TPRN: variants seen among roughly 807,000 people sequenced by gnomAD.
TPRN encodes taperin.
A neutral mutation model predicts 42.6 loss-of-function variants in TPRN; 32 were observed. The observed-to-expected ratio is 0.75, with a 90% CI of 0.57 to 1.01. The LOEUF is 1.01. TPRN is among the 50% of genes least tolerant of loss of function. The pLI, the probability that TPRN is intolerant of heterozygous loss-of-function variation, is 0.00. For synonymous variants in TPRN, 541 were observed against 445.6 expected, an observed-to-expected ratio of 1.21 and a Z score of -2.70; for missense variants, 1,095 against 957.5, an observed-to-expected ratio of 1.14 and a Z score of -1.90.
chr9:137,192,547 C>A lies in TPRN; in HGVS notation c.1870G>T (p.Gly624Cys), dbSNP rs146056830. The change falls in exon 2 of 4, where the codon GGC (glycine) becomes TGC (cysteine). Residue 624 changes from glycine (G) to cysteine (C), a missense_variant. Gly to Cys is a radical substitution (Grantham distance 159, BLOSUM62 -3). Coordinates refer to ENST00000409012, the MANE Select transcript of TPRN (RefSeq NM_001128228.3). ...AGTGCAAAGGGCTTCTCCTCTGAGC[C>A]GGATCCCTCTTCCTCCTCTTCCTCT... ...EEEEEEEEGS[G>C]SEEKPFALFL... 1.2e-6 allele frequency: 2 copies of A among 1,609,616 alleles called. No individual in the cohort carries two copies. Among genetic ancestry groups the A allele is most frequent in the Non-Finnish European group, 1.7e-6 (2 of 1,178,104 alleles).
intron 1 of TPRN, chr9:137,193,566 C>T (rs1280260503): frequency 6.6e-6 from 1 of 152,330 alleles, no homozygotes; most frequent in Non-Finnish European, 1.5e-5. Context: ...CTCTCCACCT[C>T]CCCTGAACGG....
Position 137,191,820 on chromosome 9 carries a change from A to G in TPRN, c.*292T>C, listed in dbSNP as rs1182632971. On this transcript the variant is annotated 3_prime_UTR_variant, in exon 4 of 4. Coordinates refer to ENST00000409012, the MANE Select transcript of TPRN (RefSeq NM_001128228.3). ...GGGAATGGCCAGGTGCAGAATCTGC[A>G]CAGCCCCCTGCCGGGTCGCAGATGG... 1 of 504,360 alleles carries G rather than the reference A, an allele frequency of 2.0e-6. No homozygotes were observed. The highest frequency in any genetic ancestry group is 3.7e-5 in the East Asian group (1 of 27,008). The allele number at this position is 504,360 out of a possible 1,614,324, so 31.2% of individuals were successfully genotyped here. A position where few individuals can be genotyped will look rare whatever the true frequency, so the allele number is the denominator to read the frequency against.
rs200674589 is a variant in TPRN, at chr9:137,199,289, G to A, written c.1423C>T (p.Leu475Phe). Residue 475 changes from leucine (L) to phenylalanine (F), a missense_variant, in exon 1 of 4, where the codon CTC (leucine) becomes TTC (phenylalanine). Transcript: ENST00000409012. The stretch of plus-strand genomic sequence containing the variant: ...TGCAGAGGCCTGGCAGGGTGCGGGA[G>A]GTAGGGTAGTTTGGCTGCTTGGGGG... ...EAPQAAKLPY[L>F]PHPARPLHPA... 3.7e-6 allele frequency: 6 copies of A among 1,612,552 alleles called. No individual in the cohort carries two copies. Among genetic ancestry groups the A allele is most frequent in the Non-Finnish European group, 5.1e-6 (6 of 1,180,004 alleles).
At chr9:137,192,389 G>A (rs1339946531) in intron 2 of TPRN, 24 bp from the exon 3 acceptor site, 1 of 1,612,760 alleles carries the variant, frequency 6.2e-7, no homozygotes, top group South Asian at 1.1e-5. Flanking sequence ...TGCACATGCA[G>A]ACGTGGACAC....
At chr9:137,193,184 G>C (rs1834652803) in intron 1 of TPRN, 1 of 175,662 alleles carries the variant, frequency 5.7e-6, no homozygotes, top group East Asian at 1.5e-4. Context: ...CTAAAGCCAA[G>C]TTCATGTCCT....
Position 137,200,058 on chromosome 9 carries a change from G to A in TPRN, c.654C>T (p.Ala218=), listed in dbSNP as rs768917098. 42 of 1,433,400 alleles carry A rather than the reference G, an allele frequency of 2.9e-5. 1 individual carries two copies. The South Asian group carries it at 5.9e-4, about 20-fold the overall frequency. 88.8% of individuals were successfully genotyped at this position (1,433,400 alleles called of 1,614,324 possible). ...CCGAGTGCCCGTTGGAGAGCAGGCGGGCGCCCGCGCCGCGGTGCAGACCCC... is the reference window on the plus strand; with the variant it reads ...CCGAGTGCCCGTTGGAGAGCAGGCGAGCGCCCGCGCCGCGGTGCAGACCCC... The part of the protein sequence containing the change: ...HPRGLHRGAG[A]RLLSNGHSAP... The change falls in exon 1 of 4, where the codon GCC becomes GCT. Residue 218 remains alanine, a synonymous_variant. Transcript: ENST00000409012. The surrounding 1 kb of genome is among the most constrained non-coding windows in gnomAD (Gnocchi z 4.3).
At position 137,200,712 on chromosome 9, in the gene TPRN, G is replaced by A. The variant is rs1432950688; in HGVS notation, c.-1C>T. The A allele has an allele frequency of 3.4e-6, 4 of 1,162,138 alleles. No homozygotes were observed. Among genetic ancestry groups the A allele is most frequent in the East Asian group, 5.0e-5 (1 of 19,986 alleles). The allele number at this position is 1,162,138 out of a possible 1,614,324, so 72.0% of individuals were successfully genotyped here. ...AGCCCGGCCGCCCCAGGGCGGCCAT[G>A]CTGCGAACGCGGCAGCGGACGGCTG... On this transcript the variant is annotated 5_prime_UTR_variant, in exon 1 of 4. Coordinates refer to ENST00000409012, the MANE Select transcript of TPRN (RefSeq NM_001128228.3). The surrounding 1 kb of genome is among the most constrained non-coding windows in gnomAD (Gnocchi z 4.3).
At chr9:137,196,968 T>C (rs1834713597) in intron 1 of TPRN, among the ~76,000 whole-genome samples, 1 of 152,198 alleles carries the variant, frequency 6.6e-6, no homozygotes. Flanking sequence ...TCCCTCCTGC[T>C]GGTCCAGGGC....
At chr9:137,193,207 GCCTGGACAAT>G (rs1211495647) in intron 1 of TPRN, 6 of 173,724 alleles carry the variant, frequency 3.5e-5, no homozygotes, top group South Asian at 1.3e-4. Flanking sequence ...CTTACTGGAT[GCCTGGACAAT>G]CCAGCAGAGC....
At chr9:137,192,394 G>A in intron 2 of TPRN, 29 bp from the exon 3 acceptor site, 2 of 1,612,606 alleles carry the variant, frequency 1.2e-6, no homozygotes, top group Non-Finnish European at 1.7e-6. Flanking sequence ...ATGCAGACGT[G>A]GACACAGACC....
In TPRN at chr9:137,192,307, C is replaced by T. The variant is rs781665546; in HGVS notation, c.2025G>A (p.Ala675=). The change falls in exon 3 of 4, where the codon GCG becomes GCA. Residue 675 remains alanine, a synonymous_variant. Transcript: ENST00000409012. ...CTGCCTCCCTCGGGGCCTGCTCCAG[C>T]GCCTGCTCCTGCCACTTGCTGAAGG... ...SVAFSKWQEQ[A]LEQAPREAEP... 13 of 1,612,976 alleles carry T rather than the reference C, an allele frequency of 8.1e-6. No individual in the cohort carries two copies. The highest frequency in any genetic ancestry group is 1.3e-5 in the African/African-American group (1 of 75,050).
At chr9:137,196,274 G>A (rs1834702866) in intron 1 of TPRN, among the ~76,000 whole-genome samples, 1 of 152,180 alleles carries the variant, frequency 6.6e-6, no homozygotes, top group Admixed American at 6.5e-5. Flanking sequence ...CACGCCCGGG[G>A]GTCACAGCCA....
chr9:137,200,009 C>T lies in TPRN; in HGVS notation c.703G>A (p.Ala235Thr). Residue 235 changes from alanine (A) to threonine (T), a missense_variant, in exon 1 of 4, where the codon GCC becomes ACC. Coordinates refer to ENST00000409012, the MANE Select transcript of TPRN (RefSeq NM_001128228.3). This position sits in a 1 kb window ranked among gnomAD's most constrained non-coding sequence, Gnocchi z 4.3. ...GGCGGGGAGCCCGCGAGGCGGTTGG[C>T]AGGGCCGGCCCGGGGCTCAGGGGCC... is the stretch of plus-strand genomic sequence containing the variant. ...HSAPEPRAGP[A>T]NRLAGSPPGS... 2 of 1,444,294 alleles carry T rather than the reference C, an allele frequency of 1.4e-6. No individual in the cohort carries two copies. Among genetic ancestry groups the T allele is most frequent in the Non-Finnish European group, 1.8e-6 (2 of 1,104,718 alleles). The allele number at this position is 1,444,294 out of a possible 1,614,324, so 89.5% of individuals were successfully genotyped here.
Position 137,192,482 on chromosome 9 carries a change from G to A in TPRN, c.1935C>T (p.Pro645=), listed in dbSNP as rs756702985. Residue 645 remains proline, a synonymous_variant, in exon 2 of 4, where the codon CCC becomes CCT. Coordinates refer to ENST00000409012, the MANE Select transcript of TPRN (RefSeq NM_001128228.3). ...PRATFVSSVR[P]ESSRLPEGSS... ...TACCCTCTGGCAGCCGAGAGCTCTC[G>A]GGTCTCACGCTGCTCACAAACGTGG... is the stretch of plus-strand genomic sequence containing the variant. 1.0e-5 allele frequency: 16 copies of A among 1,605,726 alleles called. No individual in the cohort carries two copies. The highest frequency in any genetic ancestry group is 3.4e-5 in the Admixed American group (2 of 58,924).
At position 137,200,500 on chromosome 9, in the gene TPRN, C is replaced by T; in HGVS notation, c.212G>A (p.Gly71Asp). ...FMLLEAERRR[G>D]GGAAGARLLE... ...CAGCCGCGCCCCCGCCGCGCCCCCGCCGCGCCGCCGCTCGGCCTCCAGCAG... is the reference window on the plus strand; with the variant it reads ...CAGCCGCGCCCCCGCCGCGCCCCCGTCGCGCCGCCGCTCGGCCTCCAGCAG... Residue 71 changes from glycine to aspartate, a missense_variant, in exon 1 of 4, where the codon GGC becomes GAC. Coordinates refer to ENST00000409012, the MANE Select transcript of TPRN (RefSeq NM_001128228.3). This position sits in a 1 kb window ranked among gnomAD's most constrained non-coding sequence, Gnocchi z 4.3. 1.7e-6 allele frequency: 2 copies of T among 1,149,268 alleles called. No individual in the cohort carries two copies. The highest frequency in any genetic ancestry group is 2.1e-6 in the Non-Finnish European group (2 of 933,024). 71.2% of individuals were successfully genotyped at this position (1,149,268 alleles called of 1,614,324 possible).
At position 137,199,954 on chromosome 9, in the gene TPRN, T is replaced by C; in HGVS notation, c.758A>G (p.Glu253Gly). 1 of 1,483,638 alleles carries C rather than the reference T, an allele frequency of 6.7e-7. No individual in the cohort carries two copies. Among genetic ancestry groups the C allele is most frequent in the Non-Finnish European group, 8.9e-7 (1 of 1,117,372 alleles). The allele number at this position is 1,483,638 out of a possible 1,614,324, so 91.9% of individuals were successfully genotyped here. A position where few individuals can be genotyped will look rare whatever the true frequency, so the allele number is the denominator to read the frequency against. ...CGGGTGGAGGGAGGGATCCCCCGAC[T>C]CCACCTTTGGCTTCCACTGTCCCGA... ...PGSGQWKPKVESGDPSLHPPP... is the reference protein window; with the variant it reads ...PGSGQWKPKVGSGDPSLHPPP... Residue 253 changes from glutamate (E) to glycine (G), a missense_variant, in exon 1 of 4, where the codon GAG becomes GGG. Coordinates refer to ENST00000409012, the MANE Select transcript of TPRN (RefSeq NM_001128228.3).
rs757643452 is a variant in TPRN, at chr9:137,199,332, C to T, written c.1380G>A (p.Glu460=). ...CTTGGGGGGCCTCCTCCGAGTCTACCTCATCGATGAAGGTGACAGGCAGCC... is the reference window on the plus strand; with the variant it reads ...CTTGGGGGGCCTCCTCCGAGTCTACTTCATCGATGAAGGTGACAGGCAGCC... The part of the protein sequence containing the change: ...RPGLPVTFID[E]VDSEEAPQAA... The change falls in exon 1 of 4, where the codon GAG becomes GAA. Residue 460 remains glutamate (E), a synonymous_variant. Transcript: ENST00000409012. 9 of 1,612,726 alleles carry T rather than the reference C, an allele frequency of 5.6e-6. No homozygotes were observed. The South Asian group carries it at 7.7e-5, about 14-fold the overall frequency.
rs1325704060 is a variant in TPRN, at chr9:137,200,194, G to A, written c.518C>T (p.Ala173Val). ...PPAPPRPPPAAPSPPAAPGPR... is the reference protein window; with the variant it reads ...PPAPPRPPPAVPSPPAAPGPR... Reference sequence around the variant, plus strand: ...CCCGGGCGCGGCGGGCGGGCTGGGGGCCGCGGGCGGGGGCCGGGGCGGCGC... The same window carrying A: ...CCCGGGCGCGGCGGGCGGGCTGGGGACCGCGGGCGGGGGCCGGGGCGGCGC... Residue 173 changes from alanine (A) to valine (V), a missense_variant, in exon 1 of 4, where the codon GCC becomes GTC. Ala to Val is a moderately conservative substitution (Grantham distance 64, BLOSUM62 0). Transcript: ENST00000409012. This position sits in a 1 kb window ranked among gnomAD's most constrained non-coding sequence, Gnocchi z 4.3. 3.1e-6 allele frequency: 3 copies of A among 964,582 alleles called. No homozygotes were observed. The highest frequency in any genetic ancestry group is 4.8e-5 in the South Asian group (1 of 21,026). 59.8% of individuals were successfully genotyped at this position (964,582 alleles called of 1,614,324 possible). A position where few individuals can be genotyped will look rare whatever the true frequency, so the allele number is the denominator to read the frequency against.
In TPRN at chr9:137,200,207, G is replaced by A. The variant is rs1031861382; in HGVS notation, c.505C>T (p.Pro169Ser). Reference sequence around the variant, plus strand: ...GGCGGGCTGGGGGCCGCGGGCGGGGGCCGGGGCGGCGCGGGCGGCGGCGGC... The same window carrying A: ...GGCGGGCTGGGGGCCGCGGGCGGGGACCGGGGCGGCGCGGGCGGCGGCGGC... ...PPPPPPAPPRPPPAAPSPPAA... is the reference protein window; with the variant it reads ...PPPPPPAPPRSPPAAPSPPAA... Residue 169 changes from proline to serine, a missense_variant, in exon 1 of 4, where the codon CCC becomes TCC. By Grantham distance (74) the Pro-to-Ser change is moderately conservative (BLOSUM62 -1). Transcript: ENST00000409012. The surrounding 1 kb of genome is among the most constrained non-coding windows in gnomAD (Gnocchi z 4.3). The A allele has an allele frequency of 1.4e-5, 13 of 949,958 alleles. No homozygotes were observed. Among genetic ancestry groups the A allele is most frequent in the East Asian group, 1.2e-4 (1 of 8,384 alleles). The allele number at this position is 949,958 out of a possible 1,614,324, so 58.8% of individuals were successfully genotyped here.
Sources: gnomAD v4.1 joint callset for allele counts (sites outside exome capture counted in the v4.1 genomes callset) on GRCh38, gnomAD v4.1.1 for gene constraint, Gnocchi (gnomAD v3.1) non-coding constraint, MANE v1.5 for transcripts, NCBI Gene and HGNC (gene_info 2026-07-23, HGNC 2026-07-21) for gene names.